The following NPY5R variants were observed in gnomAD, a reference collection of about 807,000 sequenced individuals.
NPY5R encodes the protein neuropeptide Y receptor Y5, also known as neuropeptide Y receptor type 5.
In NPY5R, 21 loss-of-function variants were observed where a neutral mutation model predicts 24.8. The observed-to-expected ratio is 0.85, with a 90% confidence interval of 0.60 to 1.22. The LOEUF is 1.22. NPY5R is among the 50% of genes most tolerant of loss of function. The probability of loss-of-function intolerance (pLI) is 0.00; values close to 1 mark genes in which losing one functional copy is unlikely to be tolerated. For missense variants in NPY5R, 481 were observed against 521.3 expected, an observed-to-expected ratio of 0.92 and a Z score of 0.75; for synonymous variants, 175 against 183.0, an observed-to-expected ratio of 0.96 and a Z score of 0.35.
At chr4:163,344,523 C>G (rs1313602845) in intron 1 of NPY5R, 1 of 152,230 alleles carries the variant, frequency 6.6e-6, no homozygotes, top group Non-Finnish European at 1.5e-5. Flanking sequence ...GGGGCGCAGC[C>G]CGCGGGGCGC....
Position 163,351,247 on chromosome 4 carries a change from C to T in NPY5R, c.974C>T (p.Ser325Leu). ...NFGSVRSQLS[S>L]SSKFIPGVPT... The stretch of plus-strand genomic sequence containing the variant: ...GGCTCTGTAAGAAGTCAGCTCTCTT[C>T]ATCCAGTAAGTTCATACCAGGGGTC... The change falls in exon 4 of 4, where the codon TCA becomes TTA. Residue 325 changes from serine (S) to leucine (L), a missense_variant. Ser to Leu is a moderately radical substitution (Grantham distance 145, BLOSUM62 -2). Coordinates refer to ENST00000338566, the MANE Select transcript of NPY5R (RefSeq NM_006174.4). 6.2e-7 allele frequency: 1 copy of T among 1,614,158 alleles called. No individual in the cohort carries two copies. Among genetic ancestry groups the T allele is most frequent in the South Asian group, 1.1e-5 (1 of 91,072 alleles).
At position 163,351,792 on chromosome 4, in the gene NPY5R, G is replaced by A; in HGVS notation, c.*181G>A. ...GAAGATAATTTTATGTGTTATAGTA[G>A]GATTAATTTATTTAGTTGTGCAGTC... On this transcript the variant is annotated 3_prime_UTR_variant, in exon 4 of 4. Transcript: ENST00000338566. The A allele has an allele frequency of 2.2e-6, 1 of 444,530 alleles. No individual in the cohort carries two copies. The highest frequency in any genetic ancestry group is 4.0e-6 in the Non-Finnish European group (1 of 249,226). 27.5% of individuals were successfully genotyped at this position (444,530 alleles called of 1,614,324 possible). A position where few individuals can be genotyped will look rare whatever the true frequency, so the allele number is the denominator to read the frequency against.
Position 163,351,148 on chromosome 4 carries a change from A to C in NPY5R, c.875A>C (p.Lys292Thr). 6.2e-7 allele frequency: 1 copy of C among 1,614,140 alleles called. No individual in the cohort carries two copies. Among genetic ancestry groups the C allele is most frequent in the Non-Finnish European group, 8.5e-7 (1 of 1,179,988 alleles). ...IKKHRRRYSK[K>T]TACVLPAPER... is the part of the protein sequence containing the mutation. Reference sequence around the variant, plus strand: ...AAACACAGAAGAAGATATAGCAAGAAGACAGCATGTGTGTTACCTGCTCCA... The same window carrying C: ...AAACACAGAAGAAGATATAGCAAGACGACAGCATGTGTGTTACCTGCTCCA... The change falls in exon 4 of 4, where the codon AAG (lysine) becomes ACG (threonine). Residue 292 changes from lysine (K) to threonine (T), a missense_variant. Physicochemically the swap from Lys to Thr is moderately conservative, Grantham distance 78. Coordinates refer to ENST00000338566, the MANE Select transcript of NPY5R (RefSeq NM_006174.4).
intron 1 of NPY5R, chr4:163,344,813 A>AT (rs1225157155): frequency 6.6e-6 from 1 of 152,186 alleles, no homozygotes; most frequent in African/African-American, 2.4e-5. Flanking sequence ...TTTCAGCAGA[A>AT]TTTTGCAGTC....
intron 2 of NPY5R, among the ~76,000 whole-genome samples, chr4:163,345,982 G>A (rs2110849007): frequency 8.7e-6 from 1 of 115,242 alleles, no homozygotes; most frequent in African/African-American, 3.4e-5. Context: ...TTAGTCGTAA[G>A]AAGAAATTCT....
chr4:163,349,947 A>G lies in NPY5R; in HGVS notation c.-9-318A>G, dbSNP rs193122192. On this transcript the variant is annotated intron_variant, in intron 3 of 3. Coordinates refer to ENST00000338566, the MANE Select transcript of NPY5R (RefSeq NM_006174.4). ...GTGAAACCCGGTCTCTACTAAAAAT[A>G]CAAAAAATTAGCTGGGCGCAGTGGC... Among the ~76,000 whole-genome samples the G allele has an allele frequency of 5.3e-4, 81 of 151,964 alleles. 1 individual carries two copies. In the East Asian group the frequency reaches 0.013, roughly 25 times the overall value.
intron 2 of NPY5R, among the ~76,000 whole-genome samples, chr4:163,346,785 C>T (rs191594160): frequency 3.8e-4 from 58 of 152,218 alleles, no homozygotes; most frequent in Admixed American, 3.3e-3. Flanking sequence ...AATGGATATA[C>T]TTCTTTTTTC....
rs1735486536 is a variant in NPY5R at position 163,351,268 on chromosome 4, G to C, written c.995G>C (p.Gly332Ala). Reference sequence around the variant, plus strand: ...TCTTCATCCAGTAAGTTCATACCAGGGGTCCCCACTTGCTTTGAGATAAAA... The same window carrying C: ...TCTTCATCCAGTAAGTTCATACCAGCGGTCCCCACTTGCTTTGAGATAAAA... ...QLSSSSKFIPGVPTCFEIKPE... is the reference protein window; with the variant it reads ...QLSSSSKFIPAVPTCFEIKPE... Residue 332 changes from glycine (G) to alanine (A), a missense_variant, in exon 4 of 4, where the codon GGG becomes GCG. Coordinates refer to ENST00000338566, the MANE Select transcript of NPY5R (RefSeq NM_006174.4). 4 of 1,613,918 alleles carry C rather than the reference G, an allele frequency of 2.5e-6. No homozygotes were observed. The South Asian group carries it at 4.4e-5, about 18-fold the overall frequency.
chr4:163,348,275 G>A (rs1735333914), intron 3 of NPY5R, among the ~76,000 whole-genome samples: 1 of 152,084 alleles, frequency 6.6e-6, no homozygotes, highest in South Asian at 2.1e-4. Flanking sequence ...GTATTTATTG[G>A]AATTAATTTC....
At chr4:163,349,180 T>C (rs550443792) in intron 3 of NPY5R, 140 of 163,330 alleles carry the variant, frequency 8.6e-4, no homozygotes, top group African/African-American at 3.2e-3. Flanking sequence ...GGTCATGAGA[T>C]AGTGATCCTA....
At chr4:163,345,932 A>AC (rs1333554036) in intron 2 of NPY5R, among the ~76,000 whole-genome samples, 179 bp downstream of exon 2, 2 of 60,002 alleles carry the variant, frequency 3.3e-5, no homozygotes, top group Admixed American at 1.7e-4. Context: ...CCCCTCCCCC[A>AC]CCCCCCCTCC....
At position 163,350,844 on chromosome 4, in the gene NPY5R, T is replaced by A; in HGVS notation, c.571T>A (p.Leu191Met). ...ACTTCAAGAAACATTTGGTTCAGCA[T>A]TGCTGAGCAGCAGGTATTTATGTGT... ...VELQETFGSA[L>M]LSSRYLCVES... is the part of the protein sequence containing the mutation. The change falls in exon 4 of 4, where the codon TTG (leucine) becomes ATG (methionine). Residue 191 changes from leucine (L) to methionine (M), a missense_variant. Leu to Met is a conservative substitution (Grantham distance 15, BLOSUM62 2). Transcript: ENST00000338566. The A allele has an allele frequency of 6.2e-7, 1 of 1,614,202 alleles. No individual in the cohort carries two copies. Among genetic ancestry groups the A allele is most frequent in the Non-Finnish European group, 8.5e-7 (1 of 1,180,012 alleles).
In NPY5R at chr4:163,350,765, G is replaced by A. The variant is rs772425843; in HGVS notation, c.492G>A (p.Trp164Ter). 2 of 1,614,152 alleles carry A rather than the reference G, an allele frequency of 1.2e-6. No homozygotes were observed. The highest frequency in any genetic ancestry group is 4.5e-5 in the East Asian group (2 of 44,886). ...GCTACTTTCTGATAGCTACTGTCTGGACACTAGGTTTTGCCATCTGTTCTC... is the reference window on the plus strand; with the variant it reads ...GCTACTTTCTGATAGCTACTGTCTGAACACTAGGTTTTGCCATCTGTTCTC... ...NHGYFLIATV[W>*]TLGFAICSPL... is the part of the protein sequence containing the mutation. Residue 164 changes from tryptophan to a stop codon, truncating the protein, a stop_gained, in exon 4 of 4, where the codon TGG becomes TGA. Transcript: ENST00000338566. LOFTEE classifies it high-confidence loss of function.
chr4:163,348,745 T>A (rs1735358950), intron 3 of NPY5R, among the ~76,000 whole-genome samples: 1 of 151,932 alleles, frequency 6.6e-6, no homozygotes, highest in South Asian at 2.1e-4. Context: ...GGCAATTTAG[T>A]GCTTCATCAG....
Position 163,351,005 on chromosome 4 carries a change from C to A in NPY5R, c.732C>A (p.Asn244Lys). The A allele has an allele frequency of 1.2e-6, 2 of 1,614,012 alleles. No homozygotes were observed. The highest frequency in any genetic ancestry group is 1.1e-5 in the South Asian group (1 of 91,082). ...VCRSISCGLS[N>K]KENRLEENEM... is the part of the protein sequence containing the mutation. ...GAAGTATAAGCTGTGGATTGTCCAA[C>A]AAAGAAAACAGACTTGAAGAAAATG... Residue 244 changes from asparagine (N) to lysine (K), a missense_variant, in exon 4 of 4, where the codon AAC becomes AAA. Physicochemically the swap from Asn to Lys is moderately conservative, Grantham distance 94. Transcript: ENST00000338566.
chr4:163,346,669 T>A (rs1159804804), intron 2 of NPY5R, among the ~76,000 whole-genome samples: 1 of 152,216 alleles, frequency 6.6e-6, no homozygotes. Flanking sequence ...TGGCATTTAT[T>A]TCATCTTCTT....
In NPY5R at chr4:163,350,615, C is replaced by T; in HGVS notation, c.342C>T (p.Cys114=). The change falls in exon 4 of 4, where the codon TGC becomes TGT. Residue 114 remains cysteine, a synonymous_variant. Coordinates refer to ENST00000338566, the MANE Select transcript of NPY5R (RefSeq NM_006174.4). The part of the protein sequence containing the change: ...LDQWMFGKVM[C]HIMPFLQCVS... Reference sequence around the variant, plus strand: ...AGTGGATGTTTGGCAAAGTCATGTGCCATATTATGCCTTTTCTTCAATGTG... The same window carrying T: ...AGTGGATGTTTGGCAAAGTCATGTGTCATATTATGCCTTTTCTTCAATGTG... 2 of 1,614,122 alleles carry T rather than the reference C, an allele frequency of 1.2e-6. No individual in the cohort carries two copies. The highest frequency in any genetic ancestry group is 1.7e-6 in the Non-Finnish European group (2 of 1,180,006).
rs1395541749 is a variant in NPY5R, at chr4:163,351,489, G to A, written c.1216G>A (p.Val406Met). The A allele has an allele frequency of 6.2e-7, 1 of 1,613,848 alleles. No homozygotes were observed. Residue 406 changes from valine (V) to methionine (M), a missense_variant, in exon 4 of 4, where the codon GTG (valine) becomes ATG (methionine). Val to Met is a conservative substitution (Grantham distance 21). Coordinates refer to ENST00000338566, the MANE Select transcript of NPY5R (RefSeq NM_006174.4). ...TATTTCAAATAGGCATTTCAAGTTG[G>A]TGTATTGCATTTGTCATTTGTTGGG... is the stretch of plus-strand genomic sequence containing the variant. ...NLISNRHFKL[V>M]YCICHLLGMM... is the part of the protein sequence containing the mutation.
chr4:163,344,540 G>A (rs1369579707), intron 1 of NPY5R: 1 of 152,298 alleles, frequency 6.6e-6, no homozygotes, highest in South Asian at 2.1e-4. Flanking sequence ...GCGCCACTCA[G>A]GCCGTCCAGC....
Sources: gnomAD v4.1 joint callset for allele counts (sites outside exome capture counted in the v4.1 genomes callset) on GRCh38, gnomAD v4.1.1 for gene constraint, MANE v1.5 for transcripts, NCBI Gene and HGNC (gene_info 2026-07-23, HGNC 2026-07-21) for gene names.